EPPK1: variants seen among roughly 807,000 people sequenced by gnomAD.
The protein encoded by EPPK1 is epiplakin.
For synonymous variants in EPPK1, 1,862 were observed against 1,721.2 expected, an observed-to-expected ratio of 1.08 and a Z score of -2.03; for missense variants, 3,823 against 3,673.3, an observed-to-expected ratio of 1.04 and a Z score of -1.05.
At position 143,871,727 on chromosome 8, in the gene EPPK1, G is replaced by A. The variant is rs782380360; in HGVS notation, c.1527C>T (p.Ser509=). 2.5e-6 allele frequency: 4 copies of A among 1,608,950 alleles called. No homozygotes were observed. Among genetic ancestry groups the A allele is most frequent in the Admixed American group, 1.7e-5 (1 of 59,790 alleles). The change falls in exon 2 of 2, where the codon TCC becomes TCT. Residue 509 remains serine (S), a synonymous_variant. Transcript: ENST00000615648. ...CCTCAGAGAAGAGCAGCTCCCAGAG[G>A]GACACGGGCCGGCCCCGGAACTTCC... ...SVGKFRGRPV[S]LWELLFSEAI...
rs782684086 is a variant in EPPK1, at chr8:143,866,851, TCTC to T, written c.6400_6402del (p.Glu2134del). 3.1e-6 allele frequency: 5 copies of T among 1,613,242 alleles called. No individual in the cohort carries two copies. In the Admixed American group the frequency reaches 6.7e-5, roughly 22 times the overall value. On this transcript the variant is annotated inframe_deletion, in exon 2 of 2. Coordinates refer to ENST00000615648, the MANE Select transcript of EPPK1 (RefSeq NM_031308.4). ...TACATCCTCACCAGCTGGAGCTTCTTCTCCTCTGTCACGTATTCGGAATTCAGT... is the reference window on the plus strand; with the variant it reads ...TACATCCTCACCAGCTGGAGCTTCTTCTCTGTCACGTATTCGGAATTCAGT...
rs369412069 is a variant in EPPK1 at position 143,868,103 on chromosome 8, G to A, written c.5151C>T (p.Ile1717=). ...TGGTGTCGTCGCTGGGGTCCGCCAG[G>A]ATGCGGTTCATCTCCTCGTCGAAGT... ...CGYFDEEMNR[I]LADPSDDTKG... The change falls in exon 2 of 2, where the codon ATC becomes ATT. Residue 1717 remains isoleucine, a synonymous_variant. Coordinates refer to ENST00000615648, the MANE Select transcript of EPPK1 (RefSeq NM_031308.4). 2.5e-6 allele frequency: 4 copies of A among 1,613,260 alleles called. No individual in the cohort carries two copies. Among genetic ancestry groups the A allele is most frequent in the Non-Finnish European group, 3.4e-6 (4 of 1,180,038 alleles).
rs782145079 is a variant in EPPK1 at position 143,871,792 on chromosome 8, G to C, written c.1462C>G (p.Arg488Gly). ...GCTGTGGCCGTGCTCAGGGCCTGCC[G>C]AGTGCTGTACTTGATGAATGGGGGT... ...QGPPFIKYST[R>G]QALSTATATV... The change falls in exon 2 of 2, where the codon CGG (arginine) becomes GGG (glycine). Residue 488 changes from arginine (R) to glycine (G), a missense_variant. Coordinates refer to ENST00000615648, the MANE Select transcript of EPPK1 (RefSeq NM_031308.4). 1.2e-6 allele frequency: 2 copies of C among 1,611,934 alleles called. No individual in the cohort carries two copies. Among genetic ancestry groups the C allele is most frequent in the East Asian group, 4.5e-5 (2 of 44,854 alleles).
rs782772117 is a variant in EPPK1 at position 143,871,569 on chromosome 8, C to A, written c.1685G>T (p.Gly562Val). 1 of 1,607,490 alleles carries A rather than the reference C, an allele frequency of 6.2e-7. No individual in the cohort carries two copies. Among genetic ancestry groups the A allele is most frequent in the African/African-American group, 1.4e-5 (1 of 72,564 alleles). Residue 562 changes from glycine (G) to valine (V), a missense_variant, in exon 2 of 2, where the codon GGG (glycine) becomes GTG (valine). Coordinates refer to ENST00000615648, the MANE Select transcript of EPPK1 (RefSeq NM_031308.4). ...AAATARVTFS[G>V]LRDTVTPGEL... is the part of the protein sequence containing the mutation. ...TCCTGGTGTCACGGTGTCCCTCAGC[C>A]CAGAAAAGGTGACCCTGGCAGTGGC...
intron 1 of EPPK1, 144 bp from the exon 2 acceptor site, chr8:143,873,442 T>A: frequency 3.6e-6 from 2 of 562,014 alleles, no homozygotes; most frequent in South Asian, 4.0e-5. Context: ...AGGAGCTGAG[T>A]CTGCCCAGGA....
rs782050121 is a variant in EPPK1 at position 143,858,074 on chromosome 8, G to A, written c.15180C>T (p.His5060=). The part of the protein sequence containing the change: ...DTKGFFDPNT[H]ENLTYLQLLQ... ...GAAGCTGCAGGTACGTGAGGTTCTCGTGCGTGTTGGGGTCGAAGAAGCCCT... is the reference window on the plus strand; with the variant it reads ...GAAGCTGCAGGTACGTGAGGTTCTCATGCGTGTTGGGGTCGAAGAAGCCCT... Residue 5060 remains histidine, a synonymous_variant, in exon 2 of 2, where the codon CAC becomes CAT. Transcript: ENST00000615648. The A allele has an allele frequency of 6.8e-6, 11 of 1,613,490 alleles. No individual in the cohort carries two copies. The South Asian group carries it at 7.7e-5, about 11-fold the overall frequency.
Position 143,873,243 on chromosome 8 carries a change from T to G in EPPK1, c.11A>C (p.His4Pro). MSG[H>P]TLPPLPVPGT... ...TGGGACGGGAAGAGGAGGCAAGGTG[T>G]GGCCACTCATCACACACGGCTGGTT... Residue 4 changes from histidine to proline, a missense_variant, in exon 2 of 2, where the codon CAC (histidine) becomes CCC (proline). Transcript: ENST00000615648. 2 of 1,561,596 alleles carry G rather than the reference T, an allele frequency of 1.3e-6. No individual in the cohort carries two copies. Among genetic ancestry groups the G allele is most frequent in the Non-Finnish European group, 1.7e-6 (2 of 1,159,702 alleles).
In EPPK1 at chr8:143,871,319, C is replaced by T; in HGVS notation, c.1935G>A (p.Glu645=). Residue 645 remains glutamate, a synonymous_variant, in exon 2 of 2, where the codon GAG becomes GAA. Coordinates refer to ENST00000615648, the MANE Select transcript of EPPK1 (RefSeq NM_031308.4). ...LRPGTALILL[E]AQAATGFIID... ...TGATGAAGCCTGTGGCAGCTTGTGC[C>T]TCCAGAAGGATGAGGGCAGTGCCGG... 1 of 1,612,086 alleles carries T rather than the reference C, an allele frequency of 6.2e-7. No homozygotes were observed. The highest frequency in any genetic ancestry group is 1.6e-4 in the Middle Eastern group (1 of 6,062).
Position 143,857,920 on chromosome 8 carries a change from C to CCAAAAAAAAA in EPPK1, c.*66_*67insTTTTTTTTTG. 1 of 319,414 alleles carries CCAAAAAAAAA rather than the reference C, an allele frequency of 3.1e-6. No individual in the cohort carries two copies. The highest frequency in any genetic ancestry group is 6.0e-5 in the East Asian group (1 of 16,704). 19.8% of individuals were successfully genotyped at this position (319,414 alleles called of 1,614,324 possible). On this transcript the variant is annotated 3_prime_UTR_variant, in exon 2 of 2. Coordinates refer to ENST00000615648, the MANE Select transcript of EPPK1 (RefSeq NM_031308.4). ...ACAAAAAAAAAAAAAAAAAAAAAAA[C>CCAAAAAAAAA]AACCCAGACACACAAGTATGCCTCC...
Position 143,870,825 on chromosome 8 carries a change from G to T in EPPK1, c.2429C>A (p.Thr810Asn). Residue 810 changes from threonine to asparagine, a missense_variant, in exon 2 of 2, where the codon ACC becomes AAC. Physicochemically the swap from Thr to Asn is moderately conservative, Grantham distance 65 (BLOSUM62 0). Transcript: ENST00000615648. This position sits in a 1 kb window ranked among gnomAD's most constrained non-coding sequence, Gnocchi z 5.2. ...STQSPLVDSA[T>N]QQAFQNLLLS... ...CAGCAGGTTCTGGAAGGCCTGCTGG[G>T]TGGCACTGTCCACCAGCGGGGACTG... is the stretch of plus-strand genomic sequence containing the variant. 1 of 1,612,848 alleles carries T rather than the reference G, an allele frequency of 6.2e-7. No individual in the cohort carries two copies. Among genetic ancestry groups the T allele is most frequent in the East Asian group, 2.2e-5 (1 of 44,880 alleles).
At chr8:143,878,298 C>T (rs1290430378) in intron 1 of EPPK1, 140 bp downstream of exon 1, 2 of 151,196 alleles carry the variant, frequency 1.3e-5, no homozygotes, top group Non-Finnish European at 3.0e-5. Flanking sequence ...CGGCGTGCGG[C>T]TCCAGCGGGG....
chr8:143,870,749 C>G lies in EPPK1; in HGVS notation c.2505G>C (p.Glu835Asp). The G allele has an allele frequency of 6.2e-7, 1 of 1,612,564 alleles. No homozygotes were observed. The highest frequency in any genetic ancestry group is 8.5e-7 in the Non-Finnish European group (1 of 1,179,818). ...RFQGQRVSAWELINSEYFSEG... is the reference protein window; with the variant it reads ...RFQGQRVSAWDLINSEYFSEG... The stretch of plus-strand genomic sequence containing the variant: ...CGCTGAAGTACTCAGAGTTGATCAG[C>G]TCCCACGCGGAGACCCTCTGCCCCT... The change falls in exon 2 of 2, where the codon GAG becomes GAC. Residue 835 changes from glutamate (E) to aspartate (D), a missense_variant. Transcript: ENST00000615648. The surrounding 1 kb of genome is among the most constrained non-coding windows in gnomAD (Gnocchi z 5.2).
At position 143,873,177 on chromosome 8, in the gene EPPK1, A is replaced by G. The variant is rs782720764; in HGVS notation, c.77T>C (p.Met26Thr). The change falls in exon 2 of 2, where the codon ATG becomes ACG. Residue 26 changes from methionine to threonine, a missense_variant. Physicochemically the swap from Met to Thr is moderately conservative, Grantham distance 81 (BLOSUM62 -1). Coordinates refer to ENST00000615648, the MANE Select transcript of EPPK1 (RefSeq NM_031308.4). ...CGTGCCGGCTCCCAGCGTGGCTGCCATGGCTCTGGGTACACTGGCCTGCTC... is the reference window on the plus strand; with the variant it reads ...CGTGCCGGCTCCCAGCGTGGCTGCCGTGGCTCTGGGTACACTGGCCTGCTC... ...STEQASVPRA[M>T]AATLGAGTPP... 11 of 1,595,928 alleles carry G rather than the reference A, an allele frequency of 6.9e-6. No homozygotes were observed. Among genetic ancestry groups the G allele is most frequent in the Non-Finnish European group, 9.4e-6 (11 of 1,173,266 alleles).
rs782626827 is a variant in EPPK1, at chr8:143,869,206, T to G, written c.4048A>C (p.Asn1350His). ...QAMEKGLVPQ[N>H]EGLPLLQVQL... ...ACCTGCAGGAGGGGCAAGCCCTCGT[T>G]CTGTGGCACGAGCCCCTTCTCCATG... is the stretch of plus-strand genomic sequence containing the variant. Residue 1350 changes from asparagine (N) to histidine (H), a missense_variant, in exon 2 of 2, where the codon AAC (asparagine) becomes CAC (histidine). Physicochemically the swap from Asn to His is moderately conservative, Grantham distance 68 (BLOSUM62 1). Coordinates refer to ENST00000615648, the MANE Select transcript of EPPK1 (RefSeq NM_031308.4). 1 of 1,610,298 alleles carries G rather than the reference T, an allele frequency of 6.2e-7. No individual in the cohort carries two copies. Among genetic ancestry groups the G allele is most frequent in the South Asian group, 1.1e-5 (1 of 91,066 alleles).
rs781794032 is a variant in EPPK1 at position 143,870,755 on chromosome 8, C to A, written c.2499G>T (p.Ala833=). 5.0e-6 allele frequency: 8 copies of A among 1,612,586 alleles called. No individual in the cohort carries two copies. The highest frequency in any genetic ancestry group is 1.6e-4 in the Middle Eastern group (1 of 6,062). ...YGRFQGQRVS[A]WELINSEYFS... Reference sequence around the variant, plus strand: ...AGTACTCAGAGTTGATCAGCTCCCACGCGGAGACCCTCTGCCCCTGAAACC... The same window carrying A: ...AGTACTCAGAGTTGATCAGCTCCCAAGCGGAGACCCTCTGCCCCTGAAACC... The change falls in exon 2 of 2, where the codon GCG becomes GCT. Residue 833 remains alanine, a synonymous_variant. Coordinates refer to ENST00000615648, the MANE Select transcript of EPPK1 (RefSeq NM_031308.4). This position sits in a 1 kb window ranked among gnomAD's most constrained non-coding sequence, Gnocchi z 5.2.
At position 143,870,822 on chromosome 8, in the gene EPPK1, T is replaced by A. The variant is rs1819319956; in HGVS notation, c.2432A>T (p.Gln811Leu). 5 of 1,612,716 alleles carry A rather than the reference T, an allele frequency of 3.1e-6. No individual in the cohort carries two copies. Among genetic ancestry groups the A allele is most frequent in the African/African-American group, 1.3e-5 (1 of 74,990 alleles). The part of the protein sequence containing the change: ...TQSPLVDSAT[Q>L]QAFQNLLLSV... ...GAGCAGCAGGTTCTGGAAGGCCTGC[T>A]GGGTGGCACTGTCCACCAGCGGGGA... The change falls in exon 2 of 2, where the codon CAG (glutamine) becomes CTG (leucine). Residue 811 changes from glutamine to leucine, a missense_variant. Gln to Leu is a moderately radical substitution (Grantham distance 113). Transcript: ENST00000615648. This position sits in a 1 kb window ranked among gnomAD's most constrained non-coding sequence, Gnocchi z 5.2.
Position 143,868,408 on chromosome 8 carries a change from CGAT to C in EPPK1, c.4843_4845del (p.Ile1615del). 1 of 1,612,544 alleles carries C rather than the reference CGAT, an allele frequency of 6.2e-7. No homozygotes were observed. Among genetic ancestry groups the C allele is most frequent in the South Asian group, 1.1e-5 (1 of 91,070 alleles). On this transcript the variant is annotated inframe_deletion, in exon 2 of 2. Transcript: ENST00000615648. ...GTCAGCTTCCGGTTCTCCACGGGGT[CGAT>C]GATGAAGCCGGTAGCTGCCTGTGCC...
rs1487728875 is a variant in EPPK1, at chr8:143,872,077, G to A, written c.1177C>T (p.Arg393Trp). The change falls in exon 2 of 2, where the codon CGG (arginine) becomes TGG (tryptophan). Residue 393 changes from arginine to tryptophan, a missense_variant. Physicochemically the swap from Arg to Trp is moderately radical, Grantham distance 101 (BLOSUM62 -3). Coordinates refer to ENST00000615648, the MANE Select transcript of EPPK1 (RefSeq NM_031308.4). ...GTGGCCAGCTGGGCATCCAAGAGCC[G>A]CAGTGCCAGTGGCCTGTCCACTAGC... Reference protein sequence around the residue: ...KGLVDRPLALRLLDAQLATGG... With the variant: ...KGLVDRPLALWLLDAQLATGG... 1.5e-5 allele frequency: 24 copies of A among 1,562,114 alleles called. No individual in the cohort carries two copies. Among genetic ancestry groups the A allele is most frequent in the African/African-American group, 2.7e-5 (2 of 73,644 alleles).
chr8:143,872,881 G>A lies in EPPK1; in HGVS notation c.373C>T (p.Pro125Ser), dbSNP rs782277163. 55 of 1,597,074 alleles carry A rather than the reference G, an allele frequency of 3.4e-5. No individual in the cohort carries two copies. In the South Asian group the frequency reaches 4.8e-4, roughly 14 times the overall value. The change falls in exon 2 of 2, where the codon CCC (proline) becomes TCC (serine). Residue 125 changes from proline (P) to serine (S), a missense_variant. Coordinates refer to ENST00000615648, the MANE Select transcript of EPPK1 (RefSeq NM_031308.4). ...AERATTGYPD[P>S]YGGEKLALFQ... ...AGGGCCAGCTTCTCACCGCCGTAGG[G>A]GTCAGGATAGCCCGTAGTGGCACGC...
Sources: gnomAD v4.1 joint callset for allele counts on GRCh38, gnomAD v4.1.1 for gene constraint, Gnocchi (gnomAD v3.1) non-coding constraint, MANE v1.5 for transcripts, NCBI Gene and HGNC (gene_info 2026-07-23, HGNC 2026-07-21) for gene names.